MACROD2: variants seen among roughly 807,000 people sequenced by gnomAD.
MACROD2 encodes the protein mono-ADP ribosylhydrolase 2.
MACROD2 carries 36 observed loss-of-function variants against 70.4 expected under a neutral mutation model. The observed-to-expected ratio is 0.51, with a 90% CI of 0.39 to 0.68. The LOEUF is 0.68. Among genes scored for constraint, MACROD2 ranks in the 30% least tolerant of loss-of-function variants. The pLI, the probability that MACROD2 is intolerant of heterozygous loss-of-function variation, is 0.00. For missense variants in MACROD2, 496 were observed against 538.4 expected, an observed-to-expected ratio of 0.92 and a Z score of 0.78; for synonymous variants, 172 against 178.8, an observed-to-expected ratio of 0.96 and a Z score of 0.30.
chr20:14,189,888 A>G (rs1286244633), intron 3 of MACROD2, among the ~76,000 whole-genome samples: 1 of 152,196 alleles, frequency 6.6e-6, no homozygotes, highest in Non-Finnish European at 1.5e-5. Flanking sequence ...TGGCATAGAA[A>G]CTATTTCAGT....
intron 7 of MACROD2, among the ~76,000 whole-genome samples, chr20:15,487,004 G>T (rs1400065273): frequency 6.6e-6 from 1 of 152,186 alleles, no homozygotes; most frequent in Non-Finnish European, 1.5e-5. Context: ...CTGGGCACAG[G>T]TCTTTTCCTT....
intron 12 of MACROD2, among the ~76,000 whole-genome samples, chr20:15,952,644 C>T (rs758415626): frequency 1.3e-5 from 2 of 152,154 alleles, no homozygotes; most frequent in African/African-American, 2.4e-5. Context: ...CAGTATTGTC[C>T]ATGGTCAAAG....
At chr20:14,871,475 G>A (rs977600910) in intron 5 of MACROD2, among the ~76,000 whole-genome samples, 3 of 152,046 alleles carry the variant, frequency 2.0e-5, no homozygotes, top group African/African-American at 7.2e-5. Flanking sequence ...AAATGCTAAG[G>A]GAATTCAGTG....
intron 5 of MACROD2, among the ~76,000 whole-genome samples, chr20:14,975,635 T>C (rs1041936654): frequency 6.6e-6 from 1 of 152,028 alleles, no homozygotes; most frequent in African/African-American, 2.4e-5. Flanking sequence ...GATGGCCTTG[T>C]TCTGGGGCTT....
chr20:14,797,371 C>T (rs1210065464), intron 5 of MACROD2, among the ~76,000 whole-genome samples: 1 of 152,014 alleles, frequency 6.6e-6, no homozygotes, highest in East Asian at 1.9e-4. Context: ...ACCAAGCTTG[C>T]ATGATCTGGC....
intron 3 of MACROD2, among the ~76,000 whole-genome samples, chr20:14,142,938 G>C (rs1265689808): frequency 6.6e-6 from 1 of 152,168 alleles, no homozygotes; most frequent in Non-Finnish European, 1.5e-5. Flanking sequence ...TTGATTTAAA[G>C]TCTTAAGAGT....
chr20:15,373,390 A>G (rs2045519626), intron 6 of MACROD2, among the ~76,000 whole-genome samples: 1 of 151,908 alleles, frequency 6.6e-6, no homozygotes, highest in African/African-American at 2.4e-5. Context: ...TTATAGAATT[A>G]TTTTCCTTTT....
chr20:15,450,865 C>T (rs2046631645), intron 7 of MACROD2, among the ~76,000 whole-genome samples: 1 of 152,112 alleles, frequency 6.6e-6, no homozygotes, highest in South Asian at 2.1e-4. Context: ...CAGAATTAAA[C>T]CTACCATTGT....
At chr20:14,838,161 T>G (rs2073050692) in intron 5 of MACROD2, among the ~76,000 whole-genome samples, 1 of 152,116 alleles carries the variant, frequency 6.6e-6, no homozygotes, top group Non-Finnish European at 1.5e-5. Flanking sequence ...TGTATGTGGG[T>G]GTGTAATCAT....
intron 5 of MACROD2, among the ~76,000 whole-genome samples, chr20:15,144,556 T>C (rs146127029): frequency 2.6e-5 from 4 of 152,280 alleles, no homozygotes; most frequent in African/African-American, 9.6e-5. Context: ...GAAAGTAAGA[T>C]AATACTTTCC....
At chr20:14,542,942 G>A (rs888330890) in intron 4 of MACROD2, among the ~76,000 whole-genome samples, 1 of 125,228 alleles carries the variant, frequency 8.0e-6, no homozygotes, top group African/African-American at 3.0e-5. Flanking sequence ...TTAATGAAAT[G>A]GTAAATTATT....
intron 3 of MACROD2, among the ~76,000 whole-genome samples, chr20:14,472,056 A>G (rs2084537105): frequency 6.6e-6 from 1 of 152,178 alleles, no homozygotes; most frequent in Non-Finnish European, 1.5e-5. Context: ...AACTCAGGAA[A>G]TCTTAATTAG....
intron 5 of MACROD2, among the ~76,000 whole-genome samples, chr20:15,078,565 A>T (rs1373570717): frequency 3.3e-5 from 5 of 152,204 alleles, no homozygotes; most frequent in Admixed American, 3.3e-4. Flanking sequence ...ATATAAAAAA[A>T]ATCTTCTTTA....
chr20:14,216,563 G>A (rs1385730443), intron 3 of MACROD2, among the ~76,000 whole-genome samples: 5 of 151,926 alleles, frequency 3.3e-5, no homozygotes, highest in Non-Finnish European at 7.4e-5. Context: ...TATTTTGATG[G>A]GGATTGCACT....
chr20:15,181,620 G>A (rs1285876049), intron 5 of MACROD2, among the ~76,000 whole-genome samples: 4 of 152,162 alleles, frequency 2.6e-5, no homozygotes, highest in South Asian at 2.1e-4. Context: ...AGACCGGCCC[G>A]TTAGAACTAT....
At chr20:14,775,593 C>G (rs555513733) in intron 5 of MACROD2, among the ~76,000 whole-genome samples, 1 of 152,100 alleles carries the variant, frequency 6.6e-6, no homozygotes, top group African/African-American at 2.4e-5. Flanking sequence ...CCCCATGTCT[C>G]TAACACCTCC....
chr20:15,590,242 T>C (rs931420695), intron 8 of MACROD2, among the ~76,000 whole-genome samples: 2 of 152,208 alleles, frequency 1.3e-5, no homozygotes, highest in African/African-American at 4.8e-5. Context: ...GGTAGCATGC[T>C]AGACATTTCC....
chr20:14,261,186 GA>G (rs1212624929), intron 3 of MACROD2, among the ~76,000 whole-genome samples: 1 of 152,042 alleles, frequency 6.6e-6, no homozygotes, highest in Non-Finnish European at 1.5e-5. Flanking sequence ...TAGCTGATGA[GA>G]AAATAAAGAG....
chr20:15,893,563 C>G, intron 10 of MACROD2: 1 of 389,886 alleles, frequency 2.6e-6, no homozygotes, highest in Non-Finnish European at 5.0e-6. Flanking sequence ...CTTTTACACA[C>G]TAGTACAACA....
Sources: allele counts gnomAD v4.1 joint callset (sites outside exome capture counted in the v4.1 genomes callset), GRCh38; gene constraint gnomAD v4.1.1; transcripts MANE v1.5; gene names NCBI Gene and HGNC (gene_info 2026-07-23, HGNC 2026-07-21).